The following WDR72 variants were observed in gnomAD, a reference collection of about 807,000 sequenced individuals.
WDR72 encodes the protein WD repeat domain 72, also known as WD repeat-containing protein 72.
A neutral mutation model predicts 124.2 loss-of-function variants in WDR72; 120 were observed. The observed-to-expected ratio is 0.97, with a 90% confidence interval of 0.83 to 1.12. WDR72 has a LOEUF of 1.12. Among genes scored for constraint, WDR72 ranks in the 50% most tolerant of loss-of-function variants. WDR72 has a pLI of 0.00. For synonymous variants in WDR72, 452 were observed against 441.7 expected, an observed-to-expected ratio of 1.02 and a Z score of -0.29; for missense variants, 1,387 against 1,278.8, an observed-to-expected ratio of 1.08 and a Z score of -1.29.
chr15:53,637,441 G>C (rs969762186), intron 14 of WDR72, among the ~76,000 whole-genome samples: 3 of 152,116 alleles, frequency 2.0e-5, no homozygotes, highest in African/African-American at 7.2e-5. Flanking sequence ...TGGAGTAATA[G>C]AGTATATTTT....
At chr15:53,663,930 A>G (rs2015691906) in intron 14 of WDR72, among the ~76,000 whole-genome samples, 1 of 141,350 alleles carries the variant, frequency 7.1e-6, no homozygotes, top group Admixed American at 6.7e-5. Flanking sequence ...AGTTAAGAAT[A>G]GGAAAAATAG....
intron 9 of WDR72, among the ~76,000 whole-genome samples, chr15:53,707,691 C>G (rs1567040903): frequency 6.6e-6 from 1 of 152,130 alleles, no homozygotes. Context: ...CCTGATCCAC[C>G]CACCTCGGCC....
chr15:53,642,112 T>G (rs1458410349), intron 14 of WDR72, among the ~76,000 whole-genome samples: 1 of 151,994 alleles, frequency 6.6e-6, no homozygotes, highest in Non-Finnish European at 1.5e-5. Context: ...TTTTTCTAGG[T>G]CCATTTATGT....
At chr15:53,715,487 A>G in intron 4 of WDR72, 120 bp from the exon 5 acceptor site, 1 of 1,173,398 alleles carries the variant, frequency 8.5e-7, no homozygotes, top group Non-Finnish European at 1.2e-6. Context: ...TATTGAACTG[A>G]ATAGCAACTA....
At chr15:53,710,830 G>A (rs1377353209) in intron 9 of WDR72, 27 bp downstream of exon 9, 8 of 1,545,120 alleles carry the variant, frequency 5.2e-6, no homozygotes, top group Non-Finnish European at 3.6e-6. Flanking sequence ...AAACAGCTTT[G>A]AGGCAGTCAC....
intron 6 of WDR72, among the ~76,000 whole-genome samples, chr15:53,713,156 A>C (rs1406441496): frequency 6.7e-6 from 1 of 149,242 alleles, no homozygotes; most frequent in Non-Finnish European, 1.5e-5. Flanking sequence ...GAAAGTTTAA[A>C]AAAAAAAAAA....
intron 14 of WDR72, among the ~76,000 whole-genome samples, chr15:53,655,480 A>G (rs889696146): frequency 1.3e-5 from 2 of 150,574 alleles, no homozygotes; most frequent in South Asian, 4.1e-4. Flanking sequence ...ACATGAAGAG[A>G]AAGGACCCAT....
intron 14 of WDR72, among the ~76,000 whole-genome samples, chr15:53,617,011 G>A (rs535334440): frequency 4.7e-4 from 71 of 151,906 alleles, no homozygotes; most frequent in African/African-American, 1.5e-3. Context: ...TGCTTCCAGT[G>A]CCTACAAAAC....
At chr15:53,535,371 A>G (rs1470164593) in intron 18 of WDR72, among the ~76,000 whole-genome samples, 1 of 152,184 alleles carries the variant, frequency 6.6e-6, no homozygotes, top group African/African-American at 2.4e-5. Context: ...CTGGGTATCG[A>G]CAGGGAACCA....
chr15:53,578,262 G>T (rs962416111), intron 18 of WDR72, among the ~76,000 whole-genome samples: 5 of 152,080 alleles, frequency 3.3e-5, no homozygotes, highest in Non-Finnish European at 7.3e-5. Flanking sequence ...AACACAGGGT[G>T]GTCAGTGGTG....
At chr15:53,731,238 C>A (rs1341053798) in intron 2 of WDR72, among the ~76,000 whole-genome samples, 2 of 152,074 alleles carry the variant, frequency 1.3e-5, no homozygotes, top group Non-Finnish European at 2.9e-5. Flanking sequence ...TCCCCTCTGG[C>A]CTTACCTCTC....
chr15:53,665,815 C>A, intron 13 of WDR72, 47 bp from the exon 14 acceptor site: 1 of 1,563,400 alleles, frequency 6.4e-7, no homozygotes, highest in Non-Finnish European at 8.8e-7. Context: ...ATATTTACCC[C>A]AACAGAATAA....
At chr15:53,761,868 G>A (rs2019069585), upstream of WDR72, among the ~76,000 whole-genome samples, 1 of 151,276 alleles carries the variant, frequency 6.6e-6, no homozygotes, top group Admixed American at 6.6e-5. Flanking sequence ...AACAAAAAAT[G>A]CAGCCTCTGA....
At chr15:53,611,765 G>C (rs2013548942) in intron 16 of WDR72, among the ~76,000 whole-genome samples, 1 of 151,820 alleles carries the variant, frequency 6.6e-6, no homozygotes, top group African/African-American at 2.4e-5. Flanking sequence ...GTAAAACAGA[G>C]ATGCTGCCTC....
intron 11 of WDR72, among the ~76,000 whole-genome samples, chr15:53,704,689 CT>C (rs66465971): frequency 0.17 from 21,499 of 123,496 alleles, 1,681 homozygotes; most frequent in East Asian, 0.47. Context: ...CCATGCCCAG[CT>C]TTTTTTTTTT....
chr15:53,705,558 G>A (rs539752009), intron 10 of WDR72, among the ~76,000 whole-genome samples: 35 of 152,266 alleles, frequency 2.3e-4, no homozygotes, highest in African/African-American at 8.4e-4. Flanking sequence ...CACCTCCTGG[G>A]TTTAAGCAAT....
At chr15:53,588,078 C>A (rs1187185021) in intron 18 of WDR72, among the ~76,000 whole-genome samples, 5 of 151,978 alleles carry the variant, frequency 3.3e-5, no homozygotes, top group Admixed American at 2.0e-4. Flanking sequence ...AGAAGAAAAC[C>A]ATCATCCTTA....
chr15:53,620,164 A>G (rs1192659642), intron 14 of WDR72, among the ~76,000 whole-genome samples: 2 of 152,144 alleles, frequency 1.3e-5, no homozygotes, highest in Admixed American at 1.3e-4. Flanking sequence ...AAATCATATA[A>G]AAAATGGTCA....
At chr15:53,732,658 T>C (rs2018235897) in intron 2 of WDR72, among the ~76,000 whole-genome samples, 1 of 152,194 alleles carries the variant, frequency 6.6e-6, no homozygotes, top group African/African-American at 2.4e-5. Flanking sequence ...TTTAGATTAA[T>C]GAGCCATAAT....
Sources: allele counts gnomAD v4.1 joint callset (sites outside exome capture counted in the v4.1 genomes callset), GRCh38; gene constraint gnomAD v4.1.1; transcripts MANE v1.5; gene names NCBI Gene and HGNC (gene_info 2026-07-23, HGNC 2026-07-21).